Variants in SESTD1 observed in about 807,000 individuals in gnomAD.
The protein encoded by SESTD1 is SEC14 and spectrin domain containing 1.
Under a neutral mutation model 101.7 loss-of-function variants are expected in SESTD1, and 43 were observed. The ratio of observed to expected loss-of-function variants is 0.42; its 90% CI spans 0.33 to 0.55. The LOEUF (loss-of-function observed/expected upper bound fraction) is 0.55, where lower values mean the gene tolerates loss of function less well. Ranked by LOEUF, SESTD1 falls within the 20% of genes least tolerant of loss-of-function variation. The pLI is 0.07. For synonymous variants in SESTD1, 283 were observed against 286.8 expected (o/e 0.99, Z 0.13); for missense variants, 647 against 815.1 (o/e 0.79, Z 2.51).
intron 1 of SESTD1, among the ~76,000 whole-genome samples, chr2:179,255,570 C>A (rs1367218481): frequency 2.0e-5 from 3 of 152,182 alleles, no homozygotes; most frequent in African/African-American, 7.2e-5. Context: ...AAGTTTGAAG[C>A]TAGTAGGAGT....
At chr2:179,168,894 CCTT>C (rs2045882300) in intron 5 of SESTD1, among the ~76,000 whole-genome samples, 2 of 152,022 alleles carry the variant, frequency 1.3e-5, no homozygotes, top group Admixed American at 6.6e-5. Context: ...GTTTTAAGGT[CCTT>C]CTATTTCATG....
At chr2:179,121,440 A>G (rs1229868947) in intron 13 of SESTD1, among the ~76,000 whole-genome samples, 1 of 152,222 alleles carries the variant, frequency 6.6e-6, no homozygotes, top group Non-Finnish European at 1.5e-5. Context: ...TCTAAACTAA[A>G]TGAAATTTAA....
intron 10 of SESTD1, among the ~76,000 whole-genome samples, chr2:179,126,364 C>T (rs1340873947): frequency 6.6e-6 from 1 of 152,006 alleles, no homozygotes; most frequent in Non-Finnish European, 1.5e-5. Context: ...GTAAGCACTT[C>T]CTCCTCCTTC....
At chr2:179,258,888 A>T (rs922196073) in intron 1 of SESTD1, among the ~76,000 whole-genome samples, 3 of 152,206 alleles carry the variant, frequency 2.0e-5, no homozygotes, top group African/African-American at 7.2e-5. Flanking sequence ...ACAATCCTCT[A>T]TTTGTATTTT....
In SESTD1 at chr2:179,107,998, C is replaced by G. The variant is rs1004192688; in HGVS notation, c.*1901G>C. 1.3e-5 allele frequency: 2 copies of G among 152,188 alleles called. No homozygotes were observed. The highest frequency in any genetic ancestry group is 4.8e-5 in the African/African-American group (2 of 41,446). 9.4% of individuals were successfully genotyped at this position (152,188 alleles called of 1,614,324 possible). On this transcript the variant is annotated 3_prime_UTR_variant, in exon 18 of 18. Transcript: ENST00000428443. The stretch of plus-strand genomic sequence containing the variant: ...GGGAGCAGTTGAACTTTGCCCTGAA[C>G]TTCCTGGCATGTTTGACTAGGAAAA...
At chr2:179,148,506 A>G (rs558160086) in intron 7 of SESTD1, among the ~76,000 whole-genome samples, 11 of 152,350 alleles carry the variant, frequency 7.2e-5, no homozygotes, top group Admixed American at 2.6e-4. Flanking sequence ...ACTTCATTGC[A>G]TATCATAAAA....
At chr2:179,183,014 A>T (rs1311058797) in intron 3 of SESTD1, 66 bp downstream of exon 3, 1 of 1,094,420 alleles carries the variant, frequency 9.1e-7, no homozygotes, top group Non-Finnish European at 1.3e-6. Flanking sequence ...ATTCAACAAT[A>T]GAAAGAATCA....
At chr2:179,110,115 A>T in intron 17 of SESTD1, 87 bp from the exon 18 acceptor site, 1 of 1,369,270 alleles carries the variant, frequency 7.3e-7, no homozygotes, top group Non-Finnish European at 1.0e-6. Flanking sequence ...AATTTACCAT[A>T]AAAAATCTAC....
intron 16 of SESTD1, among the ~76,000 whole-genome samples, chr2:179,113,254 T>C (rs1438979984): frequency 1.3e-5 from 2 of 152,202 alleles, no homozygotes; most frequent in Admixed American, 6.5e-5. Flanking sequence ...GAAGGAGGTA[T>C]AGACTGTGTT....
chr2:179,246,254 C>CAAAAAAAAAAAAA (rs60185738), intron 1 of SESTD1, among the ~76,000 whole-genome samples: 1 of 73,704 alleles, frequency 1.4e-5, no homozygotes. Context: ...GACTCCATCT[C>CAAAAAAAAAAAAA]AAAAAAAAAA....
chr2:179,180,264 TTC>T (rs2046084759), intron 3 of SESTD1, among the ~76,000 whole-genome samples: 1 of 152,206 alleles, frequency 6.6e-6, no homozygotes, highest in Non-Finnish European at 1.5e-5. Flanking sequence ...ATTGAGTAAT[TTC>T]TTTTTATTTT....
At chr2:179,174,824 C>T (rs1185220909) in intron 4 of SESTD1, among the ~76,000 whole-genome samples, 1 of 151,972 alleles carries the variant, frequency 6.6e-6, no homozygotes, top group Non-Finnish European at 1.5e-5. Context: ...TGGCGCTCGC[C>T]TCCAGTCCCA....
chr2:179,235,637 A>G (rs1168777358), intron 1 of SESTD1, among the ~76,000 whole-genome samples: 1 of 152,144 alleles, frequency 6.6e-6, no homozygotes, highest in East Asian at 1.9e-4. Context: ...CAACAGCACT[A>G]TTGCCTCAAT....
chr2:179,251,113 A>G (rs2047310228), intron 1 of SESTD1, among the ~76,000 whole-genome samples: 1 of 152,224 alleles, frequency 6.6e-6, no homozygotes, highest in Non-Finnish European at 1.5e-5. Flanking sequence ...GAAACAGAGT[A>G]ACCTGTGTAT....
intron 1 of SESTD1, among the ~76,000 whole-genome samples, chr2:179,220,678 T>C (rs575176323): frequency 6.6e-6 from 1 of 152,276 alleles, no homozygotes; most frequent in South Asian, 2.1e-4. Context: ...GAAGAGGAAA[T>C]GGATACAGCC....
chr2:179,241,037 C>T (rs886934095), intron 1 of SESTD1, among the ~76,000 whole-genome samples: 2 of 151,160 alleles, frequency 1.3e-5, no homozygotes, highest in African/African-American at 4.9e-5. Context: ...TATAAGTGAA[C>T]CAAATGGAAA....
intron 1 of SESTD1, among the ~76,000 whole-genome samples, chr2:179,227,336 T>C (rs2046902723): frequency 6.6e-6 from 1 of 152,186 alleles, no homozygotes; most frequent in South Asian, 2.1e-4. Context: ...CAGTTCCTAG[T>C]ACATTCTCAA....
At chr2:179,260,750 G>A (rs1039659268) in intron 1 of SESTD1, among the ~76,000 whole-genome samples, 9 of 152,172 alleles carry the variant, frequency 5.9e-5, no homozygotes, top group Non-Finnish European at 1.2e-4. Context: ...TGTAATTACA[G>A]ATGGAAAAGT....
At chr2:179,187,381 T>G (rs1006682330) in intron 2 of SESTD1, among the ~76,000 whole-genome samples, 5 of 152,112 alleles carry the variant, frequency 3.3e-5, no homozygotes, top group Non-Finnish European at 5.9e-5. Flanking sequence ...TCTCAGCAAT[T>G]TGGGAGACTG....
Sources: allele counts gnomAD v4.1 joint callset (sites outside exome capture counted in the v4.1 genomes callset), GRCh38; gene constraint gnomAD v4.1.1; transcripts MANE v1.5; gene names NCBI Gene and HGNC (gene_info 2026-07-23, HGNC 2026-07-21).